The following SPOCK3 variants were observed in gnomAD, a reference collection of about 807,000 sequenced individuals.
The protein encoded by SPOCK3 is testican-3.
A neutral mutation model predicts 56.6 loss-of-function variants in SPOCK3; 30 were observed. The ratio of observed to expected loss-of-function variants is 0.53; its 90% CI spans 0.40 to 0.72. The LOEUF (loss-of-function observed/expected upper bound fraction) is 0.72, where lower values mean the gene tolerates loss of function less well. SPOCK3 is among the 30% of genes least tolerant of loss of function. The pLI is 0.00. For missense variants in SPOCK3, 527 were observed against 530.0 expected, an observed-to-expected ratio of 0.99 and a Z score of 0.06; for synonymous variants, 196 against 183.3, an observed-to-expected ratio of 1.07 and a Z score of -0.56.
At chr4:166,901,052 T>C (rs901388471) in intron 5 of SPOCK3, among the ~76,000 whole-genome samples, 1 of 152,134 alleles carries the variant, frequency 6.6e-6, no homozygotes, top group Non-Finnish European at 1.5e-5. Flanking sequence ...CCCCAGACAT[T>C]CCTTTTTTCC....
rs564180958 is a variant in SPOCK3 at position 166,857,409 on chromosome 4, C to T, written c.589+31721G>A. On this transcript the variant is annotated intron_variant, in intron 6 of 10. Transcript: ENST00000357545. ...AAGGGGGATTCTGCTGGACAGAGACCTTCAGAAATCTGCATGAGCCAGCTG... is the reference window on the plus strand; with the variant it reads ...AAGGGGGATTCTGCTGGACAGAGACTTTCAGAAATCTGCATGAGCCAGCTG... 8.5e-5 allele frequency among the ~76,000 whole-genome samples: 13 copies of T among 152,248 alleles called. No homozygotes were observed. The South Asian group carries it at 2.3e-3, about 27-fold the overall frequency.
intron 2 of SPOCK3, among the ~76,000 whole-genome samples, chr4:167,077,852 A>G (rs955268695): frequency 3.3e-5 from 5 of 151,902 alleles, no homozygotes; most frequent in African/African-American, 1.2e-4. Context: ...AGAGGAAAGA[A>G]AGGTGGAAGG....
chr4:166,817,952 T>G (rs973622068), intron 6 of SPOCK3, among the ~76,000 whole-genome samples: 2 of 152,028 alleles, frequency 1.3e-5, no homozygotes, highest in African/African-American at 4.8e-5. Context: ...TACCAACTTT[T>G]AAAAATAATA....
intron 4 of SPOCK3, among the ~76,000 whole-genome samples, chr4:166,916,482 T>C (rs1194359714): frequency 6.6e-6 from 1 of 152,124 alleles, no homozygotes; most frequent in African/African-American, 2.4e-5. Flanking sequence ...CTAATAACTA[T>C]AATGTTAATT....
At chr4:166,754,482 G>T in intron 8 of SPOCK3, 26 bp downstream of exon 8, 1 of 1,589,986 alleles carries the variant, frequency 6.3e-7, no homozygotes, top group East Asian at 2.3e-5. Flanking sequence ...TCAACTATTT[G>T]CGTCTGTAAG....
intron 4 of SPOCK3, among the ~76,000 whole-genome samples, chr4:166,993,275 C>A (rs1185112751): frequency 6.6e-6 from 1 of 152,098 alleles, no homozygotes; most frequent in Non-Finnish European, 1.5e-5. Flanking sequence ...AAGGGCTTAG[C>A]TATGCTCACT....
intron 6 of SPOCK3, among the ~76,000 whole-genome samples, chr4:166,802,311 G>A (rs1742689664): frequency 6.6e-6 from 1 of 152,120 alleles, no homozygotes; most frequent in Non-Finnish European, 1.5e-5. Flanking sequence ...AGAATAGCAT[G>A]AATGAAGGGA....
At chr4:167,192,468 T>C (rs1006635696) in intron 2 of SPOCK3, among the ~76,000 whole-genome samples, 2 of 145,940 alleles carry the variant, frequency 1.4e-5, no homozygotes, top group Non-Finnish European at 3.0e-5. Flanking sequence ...TTCACCCTTG[T>C]TATTGGCTTG....
chr4:166,805,691 T>A (rs1366157837), intron 6 of SPOCK3, among the ~76,000 whole-genome samples: 1 of 152,042 alleles, frequency 6.6e-6, no homozygotes, highest in East Asian at 1.9e-4. Flanking sequence ...TCAATTCTAG[T>A]AGCCATTAAG....
At chr4:167,015,943 C>T (rs751933314) in intron 3 of SPOCK3, among the ~76,000 whole-genome samples, 8 of 151,962 alleles carry the variant, frequency 5.3e-5, no homozygotes, top group Non-Finnish European at 7.4e-5. Context: ...AGCTAATATG[C>T]CAAAGTGCCT....
intron 6 of SPOCK3, among the ~76,000 whole-genome samples, chr4:166,881,652 G>T (rs17645671): frequency 6.6e-6 from 1 of 151,812 alleles, no homozygotes; most frequent in East Asian, 1.9e-4. Flanking sequence ...CCTTAACTTT[G>T]CTTTCCTTTC....
At chr4:167,212,214 GTTTA>G (rs998111949) in intron 2 of SPOCK3, among the ~76,000 whole-genome samples, 2 of 151,026 alleles carry the variant, frequency 1.3e-5, no homozygotes, top group African/African-American at 2.4e-5. Context: ...GTTTTGTTTT[GTTTA>G]TTTGACTTTT....
At chr4:167,051,127 T>C (rs1163490487) in intron 3 of SPOCK3, among the ~76,000 whole-genome samples, 1 of 152,142 alleles carries the variant, frequency 6.6e-6, no homozygotes, top group Non-Finnish European at 1.5e-5. Flanking sequence ...AGTAAAATAA[T>C]AAACAAAAAG....
intron 6 of SPOCK3, among the ~76,000 whole-genome samples, chr4:166,873,619 T>C (rs1460660854): frequency 2.0e-5 from 3 of 152,190 alleles, no homozygotes; most frequent in Middle Eastern, 3.2e-3. Context: ...CAAATACTTA[T>C]AGGAGATATA....
intron 2 of SPOCK3, among the ~76,000 whole-genome samples, chr4:167,196,304 A>G (rs950385307): frequency 6.6e-6 from 1 of 152,164 alleles, no homozygotes; most frequent in African/African-American, 2.4e-5. Flanking sequence ...ACTACACAGA[A>G]CTGCCAACAT....
chr4:166,958,936 C>A (rs1039422630), intron 4 of SPOCK3, among the ~76,000 whole-genome samples: 3 of 151,946 alleles, frequency 2.0e-5, no homozygotes, highest in East Asian at 1.9e-4. Context: ...AATCAGTAAA[C>A]GTGTTGGGGA....
chr4:167,220,378 C>CTT lies in SPOCK3; in HGVS notation c.189+13605_189+13606dup, dbSNP rs61002914. ...ATCCAAACAACAGATACTGTAAGAA[C>CTT]TTTTTTTTTTTTTTTTTTGAGACAG... On this transcript the variant is annotated intron_variant, in intron 2 of 10. Transcript: ENST00000357545. Among the ~76,000 whole-genome samples the CTT allele has an allele frequency of 8.7e-3, 1,132 of 130,010 alleles. 29 individuals are homozygous for CTT. Among genetic ancestry groups the CTT allele is most frequent in the African/African-American group, 0.025 (878 of 34,738 alleles). 85.3% of individuals were successfully genotyped at this position (130,010 alleles called of 152,430 possible).
At chr4:167,176,323 T>C (rs1256472256) in intron 2 of SPOCK3, among the ~76,000 whole-genome samples, 2 of 152,152 alleles carry the variant, frequency 1.3e-5, no homozygotes, top group Non-Finnish European at 2.9e-5. Flanking sequence ...GGAACCATTT[T>C]TCTACCTATC....
intron 3 of SPOCK3, among the ~76,000 whole-genome samples, chr4:167,038,539 A>G (rs981954823): frequency 6.6e-6 from 1 of 152,076 alleles, no homozygotes; most frequent in African/African-American, 2.4e-5. Context: ...TTCACTGAGA[A>G]CAGGGGCAGG....
Sources: allele counts gnomAD v4.1 joint callset (sites outside exome capture counted in the v4.1 genomes callset), GRCh38; gene constraint gnomAD v4.1.1; transcripts MANE v1.5; gene names NCBI Gene and HGNC (gene_info 2026-07-23, HGNC 2026-07-21).